SPOCK1: variants seen among roughly 807,000 people sequenced by gnomAD.
The protein encoded by SPOCK1 is testican-1.
In SPOCK1, 23 loss-of-function variants were observed where a neutral mutation model predicts 55.3. That is an observed-to-expected ratio of 0.42 (90% CI 0.30 to 0.59). SPOCK1 has a LOEUF of 0.59. Among genes scored for constraint, SPOCK1 ranks in the 20% least tolerant of loss-of-function variants. SPOCK1 has a pLI of 0.22. For synonymous variants in SPOCK1, 226 were observed against 221.0 expected (o/e 1.02, Z -0.20); for missense variants, 499 against 552.5 (o/e 0.90, Z 0.97).
intron 2 of SPOCK1, among the ~76,000 whole-genome samples, chr5:137,351,488 G>C (rs1750677537): frequency 6.6e-6 from 1 of 152,206 alleles, no homozygotes; most frequent in African/African-American, 2.4e-5. Context: ...TCCTGACAAG[G>C]AGGGGAATGG....
intron 3 of SPOCK1, among the ~76,000 whole-genome samples, chr5:137,248,622 G>A (rs751638439): frequency 4.6e-5 from 7 of 152,144 alleles, no homozygotes; most frequent in Non-Finnish European, 8.8e-5. Flanking sequence ...CCATTTCCTC[G>A]TTCTCTGACC....
intron 4 of SPOCK1, among the ~76,000 whole-genome samples, chr5:137,130,212 A>T (rs1255226660): frequency 6.6e-6 from 1 of 152,144 alleles, no homozygotes; most frequent in Non-Finnish European, 1.5e-5. Flanking sequence ...GTGATTCTTA[A>T]ACCACTCCAC....
At chr5:137,375,468 A>C (rs1294604932) in intron 2 of SPOCK1, among the ~76,000 whole-genome samples, 2 of 152,240 alleles carry the variant, frequency 1.3e-5, no homozygotes, top group Non-Finnish European at 2.9e-5. Context: ...AAGTGCTGGA[A>C]GTGCTTTATA....
At chr5:137,058,084 T>A (rs1024443447) in intron 6 of SPOCK1, among the ~76,000 whole-genome samples, 2 of 152,224 alleles carry the variant, frequency 1.3e-5, no homozygotes, top group African/African-American at 4.8e-5. Flanking sequence ...AGGGCTATAT[T>A]CTCTGAGTAC....
chr5:137,145,784 A>G (rs1287584807), intron 3 of SPOCK1, among the ~76,000 whole-genome samples: 1 of 152,166 alleles, frequency 6.6e-6, no homozygotes, highest in Non-Finnish European at 1.5e-5. Flanking sequence ...ACTGACATCT[A>G]TGGAAAAGTA....
chr5:137,062,525 AAATAATAATAAT>A (rs71583272), intron 6 of SPOCK1, among the ~76,000 whole-genome samples: 1,647 of 143,466 alleles, frequency 0.011, 41 homozygotes, highest in African/African-American at 0.04. Flanking sequence ...CAAGCATTAT[AAATAATAATAAT>A]AATAATAATA....
chr5:137,124,584 G>A (rs1283100887), intron 4 of SPOCK1, among the ~76,000 whole-genome samples: 1 of 152,210 alleles, frequency 6.6e-6, no homozygotes, highest in East Asian at 1.9e-4. Flanking sequence ...CAGGGCTCAG[G>A]ACCAGTGAAG....
intron 3 of SPOCK1, among the ~76,000 whole-genome samples, chr5:137,199,179 C>T (rs1348198561): frequency 1.3e-5 from 2 of 152,166 alleles, no homozygotes; most frequent in Non-Finnish European, 2.9e-5. Context: ...CCCAGGAGAA[C>T]ACAGGGTGCT....
intron 3 of SPOCK1, among the ~76,000 whole-genome samples, chr5:137,198,532 T>C (rs889210682): frequency 2.0e-5 from 3 of 152,276 alleles, no homozygotes; most frequent in African/African-American, 7.2e-5. Context: ...TGTTGCATTT[T>C]TCACTTCTTT....
At chr5:137,356,431 G>C (rs151282225) in intron 2 of SPOCK1, among the ~76,000 whole-genome samples, 1 of 152,168 alleles carries the variant, frequency 6.6e-6, no homozygotes, top group East Asian at 1.9e-4. Context: ...AGTAAGCAGA[G>C]AGTGCTCTTT....
Position 137,074,378 on chromosome 5 carries a change from G to A in SPOCK1, c.475-6549C>T, listed in dbSNP as rs1215652106. On this transcript the variant is annotated intron_variant, in intron 5 of 10. Coordinates refer to ENST00000394945, the MANE Select transcript of SPOCK1 (RefSeq NM_004598.4). The stretch of plus-strand genomic sequence containing the variant: ...TACTAAGGTTAAGGTGGTTATATAA[G>A]AGAACACCCCTTTTCTTAGGGGTGA... 2.0e-5 allele frequency among the ~76,000 whole-genome samples: 3 copies of A among 152,178 alleles called. No homozygotes were observed. In the East Asian group the frequency reaches 5.8e-4, roughly 29 times the overall value.
At chr5:137,003,092 A>G (rs1463224816) in intron 6 of SPOCK1, among the ~76,000 whole-genome samples, 3 of 152,314 alleles carry the variant, frequency 2.0e-5, no homozygotes, top group Admixed American at 1.3e-4. Flanking sequence ...TACCATTTCT[A>G]AATCATAAAT....
At chr5:137,398,725 A>C (rs1487970046) in intron 2 of SPOCK1, among the ~76,000 whole-genome samples, 1 of 152,196 alleles carries the variant, frequency 6.6e-6, no homozygotes, top group Non-Finnish European at 1.5e-5. Context: ...TTTATGGATA[A>C]TATTTCCATA....
chr5:137,178,082 C>T (rs1259280180), intron 3 of SPOCK1, among the ~76,000 whole-genome samples: 3 of 152,160 alleles, frequency 2.0e-5, no homozygotes, highest in East Asian at 3.9e-4. Context: ...GCAATTTCAC[C>T]CCTAGCCCAT....
intron 3 of SPOCK1, among the ~76,000 whole-genome samples, chr5:137,179,865 C>A (rs1754934215): frequency 6.6e-6 from 1 of 152,146 alleles, no homozygotes; most frequent in Admixed American, 6.5e-5. Context: ...GTCTTCTACC[C>A]CCTTGTGTCA....
intron 3 of SPOCK1, among the ~76,000 whole-genome samples, chr5:137,243,425 G>A (rs1299307178): frequency 2.0e-5 from 3 of 152,040 alleles, no homozygotes; most frequent in South Asian, 2.1e-4. Flanking sequence ...AGACATCATC[G>A]AGAAGATAAT....
chr5:137,256,755 A>C (rs1255106266), intron 3 of SPOCK1, among the ~76,000 whole-genome samples: 1 of 151,974 alleles, frequency 6.6e-6, no homozygotes, highest in Non-Finnish European at 1.5e-5. Context: ...CACTGCCTCC[A>C]CCCCAAGGGC....
intron 2 of SPOCK1, among the ~76,000 whole-genome samples, chr5:137,439,099 T>A (rs1752929495): frequency 6.6e-6 from 1 of 152,136 alleles, no homozygotes; most frequent in Non-Finnish European, 1.5e-5. Flanking sequence ...CAAGCCTAAT[T>A]CATAGGATTA....
At chr5:137,216,657 G>T (rs549555159) in intron 3 of SPOCK1, among the ~76,000 whole-genome samples, 1 of 152,232 alleles carries the variant, frequency 6.6e-6, no homozygotes, top group South Asian at 2.1e-4. Flanking sequence ...ACTGCAGTGA[G>T]CCAAGATCAC....
Sources: gnomAD v4.1 joint callset for allele counts (sites outside exome capture counted in the v4.1 genomes callset) on GRCh38, gnomAD v4.1.1 for gene constraint, MANE v1.5 for transcripts, NCBI Gene and HGNC (gene_info 2026-07-23, HGNC 2026-07-21) for gene names.